Variants in RIC3 observed in about 807,000 individuals in gnomAD.
The protein encoded by RIC3 is protein RIC-3.
RIC3 carries 28 observed loss-of-function variants against 27.3 expected under a neutral mutation model. The ratio of observed to expected loss-of-function variants is 1.02; its 90% CI spans 0.76 to 1.41. The LOEUF is 1.41. RIC3 is among the 40% of genes most tolerant of loss of function. RIC3 has a pLI of 0.00. For synonymous variants in RIC3, 184 were observed against 160.4 expected (o/e 1.15, Z -1.11); for missense variants, 501 against 444.7 (o/e 1.13, Z -1.14).
At chr11:8,095,466 G>C in the RIC3 span, 1 of 1,581,212 alleles carries the variant, frequency 6.3e-7, no homozygotes, top group Non-Finnish European at 8.6e-7. Context: ...TCCTCCTCCT[G>C]GATGTAACTC....
At chr11:8,139,814 ATCC>A in intron 2 of RIC3, 150 bp downstream of exon 2, 1 of 684,532 alleles carries the variant, frequency 1.5e-6, no homozygotes. Flanking sequence ...AATAATGGCT[ATCC>A]TAAGTACCTC....
chr11:8,137,596 C>G lies in RIC3; in HGVS notation c.428-125G>C, dbSNP rs766303617. 3.8e-5 allele frequency: 22 copies of G among 574,352 alleles called. No individual in the cohort carries two copies. The Admixed American group carries it at 4.8e-4, about 12-fold the overall frequency. The allele number at this position is 574,352 out of a possible 1,614,324, so 35.6% of individuals were successfully genotyped here. A position where few individuals can be genotyped will look rare whatever the true frequency, so the allele number is the denominator to read the frequency against. ...CCATTACTATCTCATTGAAGAACAC[C>G]GCAGTTTTATTAAAGGATTCTGTGA... On this transcript the variant is annotated intron_variant, in intron 3 of 5. Transcript: ENST00000309737.
intron 1 of RIC3, among the ~76,000 whole-genome samples, chr11:8,157,591 A>C (rs910877111): frequency 4.6e-5 from 7 of 152,146 alleles, no homozygotes; most frequent in Non-Finnish European, 8.8e-5. Context: ...ATAAAGGCCT[A>C]GTGTTTTATT....
chr11:8,132,497 T>C (rs1325055099), intron 4 of RIC3, among the ~76,000 whole-genome samples: 1 of 152,140 alleles, frequency 6.6e-6, no homozygotes, highest in Non-Finnish European at 1.5e-5. Context: ...TCAGTGTCCT[T>C]GAGTTAAACA....
At position 8,111,145 on chromosome 11, in the gene RIC3, G is replaced by A. The variant is rs773665619; in HGVS notation, c.671-8C>T. The A allele has an allele frequency of 1.3e-4, 203 of 1,535,226 alleles. No homozygotes were observed. The highest frequency in any genetic ancestry group is 1.6e-4 in the Non-Finnish European group (179 of 1,134,842). ...AAGTCTCTTCAGGGTAACCTAGAGAGAAAAGTAGCACAAAGTATTACAAAG... is the reference window on the plus strand; with the variant it reads ...AAGTCTCTTCAGGGTAACCTAGAGAAAAAAGTAGCACAAAGTATTACAAAG... On this transcript the variant is annotated splice_region_variant and splice_polypyrimidine_tract_variant and intron_variant, in intron 5 of 5. Coordinates refer to ENST00000309737, the MANE Select transcript of RIC3 (RefSeq NM_001206671.4).
the RIC3 span, chr11:8,097,324 G>A: frequency 6.2e-7 from 1 of 1,614,104 alleles, no homozygotes; most frequent in Non-Finnish European, 8.5e-7. Flanking sequence ...GGCCCCCCAG[G>A]GTATCACCAT....
chr11:8,095,270 C>T, the RIC3 span, among the ~76,000 whole-genome samples: 12 of 152,270 alleles, frequency 7.9e-5, no homozygotes, highest in South Asian at 1.0e-3. Flanking sequence ...AACCAACCCT[C>T]GGCAATTAAT....
intron 4 of RIC3, among the ~76,000 whole-genome samples, chr11:8,133,497 G>A (rs571634465): frequency 6.6e-6 from 1 of 152,188 alleles, no homozygotes; most frequent in African/African-American, 2.4e-5. Context: ...AGAGCCAGGA[G>A]CCATGCTCTT....
intron 4 of RIC3, among the ~76,000 whole-genome samples, chr11:8,134,340 G>T (rs1176769244): frequency 2.0e-5 from 3 of 152,062 alleles, no homozygotes; most frequent in Admixed American, 2.0e-4. Context: ...ATTTTTTATG[G>T]CTGCATAGTA....
chr11:8,100,657 CT>C, the RIC3 span: 2 of 1,568,988 alleles, frequency 1.3e-6, no homozygotes, highest in African/African-American at 1.4e-5. Flanking sequence ...TCTGCATGAG[CT>C]TCTAAGGGCA....
chr11:8,100,121 A>T, the RIC3 span, among the ~76,000 whole-genome samples: 3 of 152,148 alleles, frequency 2.0e-5, no homozygotes, highest in African/African-American at 7.2e-5. Context: ...AGGCTGTTAG[A>T]ATGATCTTGG....
At position 8,138,273 on chromosome 11, in the gene RIC3, A is replaced by C. The variant is rs774913679; in HGVS notation, c.426T>G (p.Ile142Met). The change falls in exon 3 of 6, where the codon ATT becomes ATG. Residue 142 changes from isoleucine to methionine, a missense_variant and splice_region_variant. Ile to Met is a conservative substitution (Grantham distance 10, BLOSUM62 1). Coordinates refer to ENST00000309737, the MANE Select transcript of RIC3 (RefSeq NM_001206671.4). ...TAMPGNTHRK[I>M]TSFELAQLQE... is the part of the protein sequence containing the mutation. ...AATATACTGAGAAGGGGCACTTACT[A>C]ATTTTCCTGTGGGTGTTTCCAGGCA... is the stretch of plus-strand genomic sequence containing the variant. 60 of 1,609,466 alleles carry C rather than the reference A, an allele frequency of 3.7e-5. No individual in the cohort carries two copies. Among genetic ancestry groups the C allele is most frequent in the African/African-American group, 8.0e-5 (6 of 74,812 alleles).
In RIC3 at chr11:8,139,703, A is replaced by C. The variant is rs181868635; in HGVS notation, c.351+264T>G. 1.8e-3 allele frequency: 692 copies of C among 380,400 alleles called. 1 individual carries two copies. Among genetic ancestry groups the C allele is most frequent in the Admixed American group, 3.9e-3 (88 of 22,470 alleles). 23.6% of individuals were successfully genotyped at this position (380,400 alleles called of 1,614,324 possible). ...GAATTGTATCACTCACTGGATTAAG[A>C]ACCAAAAGATCCATGTTCAAGTCCT... On this transcript the variant is annotated intron_variant, in intron 2 of 5. Transcript: ENST00000309737.
At chr11:8,141,426 CAAAG>C (rs1949054879) in intron 1 of RIC3, among the ~76,000 whole-genome samples, 1 of 152,122 alleles carries the variant, frequency 6.6e-6, no homozygotes, top group Non-Finnish European at 1.5e-5. Context: ...TCAAAAGAGA[CAAAG>C]AAGGCCATTA....
chr11:8,099,992 C>T, the RIC3 span, among the ~76,000 whole-genome samples: 1 of 152,186 alleles, frequency 6.6e-6, no homozygotes, highest in Non-Finnish European at 1.5e-5. Context: ...CTGGAGAGTT[C>T]TGAGCAGAGG....
rs1323028295 is a variant in RIC3, at chr11:8,110,647, G to A, written c.*51C>T. ...CAGGGCCAAGAAGGAAATCTGAGGA[G>A]AGAGAGGTCACCTTGGGACTTGAGT... On this transcript the variant is annotated 3_prime_UTR_variant, in exon 6 of 6. Coordinates refer to ENST00000309737, the MANE Select transcript of RIC3 (RefSeq NM_001206671.4). 2.0e-6 allele frequency: 3 copies of A among 1,523,324 alleles called. No homozygotes were observed. The highest frequency in any genetic ancestry group is 2.2e-5 in the South Asian group (2 of 89,288). The allele number at this position is 1,523,324 out of a possible 1,614,324, so 94.4% of individuals were successfully genotyped here. A position where few individuals can be genotyped will look rare whatever the true frequency, so the allele number is the denominator to read the frequency against.
the RIC3 span, among the ~76,000 whole-genome samples, chr11:8,095,019 T>C: frequency 6.6e-6 from 1 of 152,230 alleles, no homozygotes; most frequent in Non-Finnish European, 1.5e-5. Context: ...TGTATGCCAA[T>C]TGCAATCTTT....
chr11:8,161,275 G>T (rs1303488065), intron 1 of RIC3, among the ~76,000 whole-genome samples: 1 of 152,190 alleles, frequency 6.6e-6, no homozygotes, highest in Non-Finnish European at 1.5e-5. Flanking sequence ...GCACGACTCA[G>T]CTTTCAGCTT....
At chr11:8,126,828 C>T in intron 4 of RIC3, 21 bp from the exon 5 acceptor site, 1 of 1,613,686 alleles carries the variant, frequency 6.2e-7, no homozygotes, top group Non-Finnish European at 8.5e-7. Context: ...TCAGACAATC[C>T]AACCATTTAG....
Sources: gnomAD v4.1 joint callset for allele counts (sites outside exome capture counted in the v4.1 genomes callset) on GRCh38, gnomAD v4.1.1 for gene constraint, MANE v1.5 for transcripts, NCBI Gene and HGNC (gene_info 2026-07-23, HGNC 2026-07-21) for gene names.